LY6S: variants seen among roughly 807,000 people sequenced by gnomAD.
The protein encoded by LY6S is lymphocyte antigen 6S.
At chr8:143,049,196 T>C in the LY6S span, 4 of 534,774 alleles carry the variant, frequency 7.5e-6, no homozygotes, top group Non-Finnish European at 1.5e-5. Flanking sequence ...GGTATCTGTT[T>C]TTGTCATTGC....
the LY6S span, among the ~76,000 whole-genome samples, chr8:143,059,026 A>G: frequency 3.9e-5 from 6 of 152,396 alleles, 1 homozygote; most frequent in South Asian, 1.2e-3. Context: ...TTCATATATA[A>G]TCATATCTAA....
At chr8:143,064,019 C>T in the LY6S span, among the ~76,000 whole-genome samples, 1 of 152,238 alleles carries the variant, frequency 6.6e-6, no homozygotes, top group African/African-American at 2.4e-5. Context: ...TAGTGTTAGA[C>T]CCAGTCTCTC....
chr8:143,073,060 G>A, the LY6S span, among the ~76,000 whole-genome samples: 5 of 145,942 alleles, frequency 3.4e-5, no homozygotes, highest in African/African-American at 1.3e-4. Flanking sequence ...CGTCGTCCTC[G>A]GGGTCCCTGT....
chr8:143,043,783 C>A, the LY6S span, among the ~76,000 whole-genome samples: 1 of 152,192 alleles, frequency 6.6e-6, no homozygotes, highest in Non-Finnish European at 1.5e-5. Flanking sequence ...TCAAGCGATT[C>A]TCCTGCCTCA....
chr8:143,044,838 C>A, the LY6S span: 1 of 1,354,008 alleles, frequency 7.4e-7, no homozygotes, highest in Non-Finnish European at 9.8e-7. Flanking sequence ...GCAGCACATG[C>A]CAGGACATAC....
chr8:143,066,556 G>A, the LY6S span: 3 of 315,786 alleles, frequency 9.5e-6, no homozygotes, highest in Non-Finnish European at 1.3e-5. Context: ...GCCCTTTTTG[G>A]CATGACCATT....
the LY6S span, chr8:143,057,924 G>T: frequency 3.5e-6 from 2 of 577,980 alleles, no homozygotes; most frequent in Admixed American, 5.6e-5. Context: ...GCGGCCCACG[G>T]TGCGGGTGGT....
chr8:143,054,347 G>A, the LY6S span: 5 of 150,448 alleles, frequency 3.3e-5, no homozygotes, highest in East Asian at 5.9e-4. Context: ...TACACTTGTG[G>A]TGGGACCCTA....
At chr8:143,073,663 A>G in the LY6S span, among the ~76,000 whole-genome samples, 155 of 97,236 alleles carry the variant, frequency 1.6e-3, no homozygotes, top group Middle Eastern at 0.048. Context: ...GAAGACAGCC[A>G]TCATCCTCGG....
At chr8:143,048,668 C>T in the LY6S span, among the ~76,000 whole-genome samples, 1 of 151,960 alleles carries the variant, frequency 6.6e-6, no homozygotes, top group Non-Finnish European at 1.5e-5. Flanking sequence ...GGGGGTTTCA[C>T]CATGTTGGCC....
the LY6S span, among the ~76,000 whole-genome samples, chr8:143,068,516 C>T: frequency 1.6e-3 from 250 of 152,140 alleles, 3 homozygotes; most frequent in Non-Finnish European, 3.2e-4. Flanking sequence ...CCCGAGAAGC[C>T]AAGCAGATGC....
the LY6S span, among the ~76,000 whole-genome samples, chr8:143,047,085 C>A: frequency 6.6e-6 from 1 of 151,728 alleles, no homozygotes; most frequent in Non-Finnish European, 1.5e-5. Flanking sequence ...TCCTTGAGAC[C>A]AAAGCCGCCT....
chr8:143,070,715 G>A, the LY6S span, among the ~76,000 whole-genome samples: 1 of 151,266 alleles, frequency 6.6e-6, no homozygotes, highest in Non-Finnish European at 1.5e-5. Context: ...TCGAACTCCC[G>A]ACCTCGTGAT....
the LY6S span, among the ~76,000 whole-genome samples, chr8:143,044,981 C>A: frequency 6.6e-6 from 1 of 152,186 alleles, no homozygotes; most frequent in Non-Finnish European, 1.5e-5. Context: ...CAACTGGTGG[C>A]CTGCAACCCT....
At chr8:143,056,768 G>A in the LY6S span, among the ~76,000 whole-genome samples, 2 of 152,072 alleles carry the variant, frequency 1.3e-5, no homozygotes, top group African/African-American at 4.8e-5. Context: ...CAAAAAGTGA[G>A]ATTACTACAA....
chr8:143,049,572 G>C, the LY6S span, among the ~76,000 whole-genome samples: 14 of 152,202 alleles, frequency 9.2e-5, no homozygotes, highest in African/African-American at 3.4e-4. Context: ...TTTTATTAAA[G>C]GGAAGGGACT....
the LY6S span, chr8:143,043,036 C>T: frequency 7.3e-7 from 1 of 1,367,758 alleles, no homozygotes. Context: ...TCCTGCAATT[C>T]AGTGAGGCAG....
chr8:143,071,393 G>T, the LY6S span, among the ~76,000 whole-genome samples: 1 of 152,260 alleles, frequency 6.6e-6, no homozygotes, highest in South Asian at 2.1e-4. Context: ...TGTAATGGTG[G>T]ACGCATGATG....
chr8:143,053,043 T>C, the LY6S span, among the ~76,000 whole-genome samples: 1 of 152,074 alleles, frequency 6.6e-6, no homozygotes, highest in South Asian at 2.1e-4. Flanking sequence ...AACAGCAAAA[T>C]GCTGCCTGGA....
Sources: gnomAD v4.1 joint callset for allele counts (sites outside exome capture counted in the v4.1 genomes callset) on GRCh38, gnomAD v4.1.1 for gene constraint, MANE v1.5 for transcripts, NCBI Gene and HGNC (gene_info 2026-07-23, HGNC 2026-07-21) for gene names.